The following TMEM178B variants were observed in gnomAD, a reference collection of about 807,000 sequenced individuals.
TMEM178B encodes the protein transmembrane protein 178B.
In TMEM178B, 5 loss-of-function variants were observed where a neutral mutation model predicts 31.0. That is an observed-to-expected ratio of 0.16 (90% CI 0.08 to 0.34). TMEM178B has a LOEUF of 0.34. Ranked by LOEUF, TMEM178B falls within the 10% of genes least tolerant of loss-of-function variation. The probability of loss-of-function intolerance (pLI) is 1.00; values close to 1 mark genes in which losing one functional copy is unlikely to be tolerated. For missense variants in TMEM178B, 275 were observed against 400.3 expected (o/e 0.69, Z 2.67); for synonymous variants, 164 against 164.0 (o/e 1.00, Z 0.00).
rs1239580684 is a variant in TMEM178B, at chr7:141,461,847, T to G, written c.635-8689T>G. 6.6e-6 allele frequency among the ~76,000 whole-genome samples: 1 copy of G among 152,198 alleles called. No individual in the cohort carries two copies. The highest frequency in any genetic ancestry group is 1.5e-5 in the Non-Finnish European group (1 of 68,032). ...TCTGCATATCAACTCAGAAATATTTTGGTCATTAACCTTTAAGGTGGTACT... is the reference window on the plus strand; with the variant it reads ...TCTGCATATCAACTCAGAAATATTTGGGTCATTAACCTTTAAGGTGGTACT... On this transcript the variant is annotated intron_variant, in intron 3 of 3. Coordinates refer to ENST00000565468, the MANE Select transcript of TMEM178B (RefSeq NM_001195278.2). This position sits in a 1 kb window ranked among gnomAD's most constrained non-coding sequence, Gnocchi z 4.0.
chr7:141,182,355 G>A (rs1294733499), intron 1 of TMEM178B, among the ~76,000 whole-genome samples: 1 of 152,198 alleles, frequency 6.6e-6, no homozygotes, highest in South Asian at 2.1e-4. Flanking sequence ...TGTGTGTCAA[G>A]AAGTTATTGT....
chr7:141,215,792 TTC>T (rs1797125886), intron 2 of TMEM178B, among the ~76,000 whole-genome samples: 2 of 78,836 alleles, frequency 2.5e-5, no homozygotes, highest in Non-Finnish European at 5.0e-5. Flanking sequence ...CTTTCTTTCT[TTC>T]TTTCTTTCTT....
chr7:141,079,824 A>G (rs1158296241), intron 1 of TMEM178B, among the ~76,000 whole-genome samples: 4 of 152,174 alleles, frequency 2.6e-5, no homozygotes, highest in Non-Finnish European at 4.4e-5. Context: ...AAGTATAAGT[A>G]TTATTTTAAA....
chr7:141,480,633 G>A (rs1461358541), downstream of TMEM178B, among the ~76,000 whole-genome samples: 1 of 152,190 alleles, frequency 6.6e-6, no homozygotes, highest in African/African-American at 2.4e-5. Flanking sequence ...AGAAAAAGAG[G>A]GAAACTGTTG....
At chr7:141,322,554 A>C (rs1799119432) in intron 2 of TMEM178B, among the ~76,000 whole-genome samples, 1 of 152,096 alleles carries the variant, frequency 6.6e-6, no homozygotes, top group South Asian at 2.1e-4. Context: ...TCAATCAAAC[A>C]AACAAAGAAC....
At chr7:141,452,094 T>C (rs1801873896) in intron 3 of TMEM178B, among the ~76,000 whole-genome samples, 1 of 152,238 alleles carries the variant, frequency 6.6e-6, no homozygotes, top group Non-Finnish European at 1.5e-5. Context: ...TTTGACTCTC[T>C]TTGCTTTTTA....
chr7:141,420,280 G>A (rs1401027435), intron 2 of TMEM178B, among the ~76,000 whole-genome samples: 1 of 151,964 alleles, frequency 6.6e-6, no homozygotes, highest in Non-Finnish European at 1.5e-5. Context: ...CCAGTAATTC[G>A]GTTAGGTCCA....
At chr7:141,243,242 T>C (rs1797656803) in intron 2 of TMEM178B, among the ~76,000 whole-genome samples, 1 of 152,074 alleles carries the variant, frequency 6.6e-6, no homozygotes, top group African/African-American at 2.4e-5. Context: ...TGGGACTCTG[T>C]GTGTGGTTTT....
intron 2 of TMEM178B, among the ~76,000 whole-genome samples, chr7:141,437,303 G>A (rs1369858573): frequency 6.6e-6 from 1 of 152,222 alleles, no homozygotes; most frequent in Non-Finnish European, 1.5e-5. Context: ...GGTTGAGATA[G>A]ATATATAGCT....
intron 2 of TMEM178B, among the ~76,000 whole-genome samples, chr7:141,369,430 C>G (rs1390315632): frequency 6.6e-6 from 1 of 151,896 alleles, no homozygotes; most frequent in Non-Finnish European, 1.5e-5. Context: ...CTGTTGATCT[C>G]TTTGGCTCTG....
the TMEM178B span, among the ~76,000 whole-genome samples, chr7:141,495,223 C>A: frequency 1.3e-5 from 2 of 152,230 alleles, no homozygotes; most frequent in Non-Finnish European, 2.9e-5. Flanking sequence ...TGGGTCATTG[C>A]TGAGGGAAGC....
chr7:141,190,605 C>G (rs10238447), intron 1 of TMEM178B, among the ~76,000 whole-genome samples: 103,364 of 152,008 alleles, frequency 0.68, 35,510 homozygotes, highest in Middle Eastern at 0.72. Flanking sequence ...GCCACCATGC[C>G]CAGCTCATGT....
intron 2 of TMEM178B, among the ~76,000 whole-genome samples, chr7:141,434,581 A>T (rs1801499532): frequency 6.6e-6 from 1 of 152,218 alleles, no homozygotes; most frequent in South Asian, 2.1e-4. Flanking sequence ...AAGTCGGGAT[A>T]TTGAGAATAT....
chr7:141,341,544 T>TC, intron 2 of TMEM178B, among the ~76,000 whole-genome samples: 1 of 152,220 alleles, frequency 6.6e-6, no homozygotes, highest in South Asian at 2.1e-4. Flanking sequence ...TGATTTCAGC[T>TC]CCCCCTGAGG....
At chr7:141,217,920 T>A (rs1797186219) in intron 2 of TMEM178B, among the ~76,000 whole-genome samples, 1 of 152,148 alleles carries the variant, frequency 6.6e-6, no homozygotes, top group African/African-American at 2.4e-5. Flanking sequence ...TTCGAGTTGC[T>A]GAGAGCCAAG....
intron 1 of TMEM178B, among the ~76,000 whole-genome samples, chr7:141,193,226 C>G (rs1433892669): frequency 6.6e-6 from 1 of 152,206 alleles, no homozygotes; most frequent in Non-Finnish European, 1.5e-5. Context: ...ACTTCCTGGC[C>G]AGGCTCGTGC....
chr7:141,331,148 G>A (rs578207742), intron 2 of TMEM178B, among the ~76,000 whole-genome samples: 1 of 152,312 alleles, frequency 6.6e-6, no homozygotes, highest in Non-Finnish European at 1.5e-5. Context: ...TAGGCAAGTG[G>A]ACTACAAGTC....
intron 2 of TMEM178B, among the ~76,000 whole-genome samples, chr7:141,419,532 C>T (rs181605173): frequency 4.5e-3 from 684 of 152,296 alleles, no homozygotes; most frequent in Non-Finnish European, 8.0e-3. Context: ...GACTTTCTTC[C>T]TCCCAGTCAG....
chr7:141,206,288 A>C (rs1232738705), intron 1 of TMEM178B, among the ~76,000 whole-genome samples: 1 of 152,192 alleles, frequency 6.6e-6, no homozygotes, highest in Non-Finnish European at 1.5e-5. Flanking sequence ...TCTAGGAAGG[A>C]AGAATGTGCT....
Sources: gnomAD v4.1 joint callset for allele counts (sites outside exome capture counted in the v4.1 genomes callset) on GRCh38, gnomAD v4.1.1 for gene constraint, Gnocchi (gnomAD v3.1) non-coding constraint, MANE v1.5 for transcripts, NCBI Gene and HGNC (gene_info 2026-07-23, HGNC 2026-07-21) for gene names.